The following NBEAL1 variants were observed in gnomAD, a reference collection of about 807,000 sequenced individuals.
NBEAL1 encodes neurobeachin-like protein 1.
Under a neutral mutation model 351.3 loss-of-function variants are expected in NBEAL1, and 273 were observed. That is an observed-to-expected ratio of 0.78 (90% CI 0.70 to 0.86). The LOEUF (loss-of-function observed/expected upper bound fraction) is 0.86, where lower values mean the gene tolerates loss of function less well. NBEAL1 is among the 40% of genes least tolerant of loss of function. NBEAL1 has a pLI of 0.00. For missense variants in NBEAL1, 2,961 were observed against 3,201.3 expected, an observed-to-expected ratio of 0.92 and a Z score of 1.81; for synonymous variants, 1,050 against 1,086.4, an observed-to-expected ratio of 0.97 and a Z score of 0.66.
At chr2:203,110,402 G>A (rs2062540193) in intron 15 of NBEAL1, 120 bp downstream of exon 15, 1 of 1,056,422 alleles carries the variant, frequency 9.5e-7, no homozygotes, top group Admixed American at 2.6e-5. Context: ...TGGGCGCAGT[G>A]GCACACCTGT....
At chr2:203,194,992 T>C (rs927083542) in intron 47 of NBEAL1, among the ~76,000 whole-genome samples, 3 of 152,026 alleles carry the variant, frequency 2.0e-5, no homozygotes, top group Non-Finnish European at 4.4e-5. Context: ...GGTCAGGAGA[T>C]TGAGACCATC....
chr2:203,138,473 C>A, intron 30 of NBEAL1, 147 bp from the exon 31 acceptor site: 1 of 1,012,818 alleles, frequency 9.9e-7, no homozygotes, highest in Non-Finnish European at 1.4e-6. Flanking sequence ...TTAGCTATTA[C>A]TAGGATGATT....
At chr2:203,142,225 G>A (rs1482496259) in intron 31 of NBEAL1, among the ~76,000 whole-genome samples, 3 of 152,048 alleles carry the variant, frequency 2.0e-5, no homozygotes, top group South Asian at 2.1e-4. Flanking sequence ...GCACAATCTC[G>A]GCTCACTGCA....
At chr2:203,215,808 T>G in intron 55 of NBEAL1, among the ~76,000 whole-genome samples, 1 of 151,858 alleles carries the variant, frequency 6.6e-6, no homozygotes, top group Non-Finnish European at 1.5e-5. Context: ...GCCAGGAGTT[T>G]GAGACCAGCC....
At chr2:203,207,276 C>T (rs1473486063) in intron 51 of NBEAL1, among the ~76,000 whole-genome samples, 1 of 151,582 alleles carries the variant, frequency 6.6e-6, no homozygotes, top group Non-Finnish European at 1.5e-5. Context: ...CCACCCCGTC[C>T]AGGAGGGAGG....
intron 29 of NBEAL1, among the ~76,000 whole-genome samples, chr2:203,137,008 G>A (rs2063229140): frequency 6.6e-6 from 1 of 152,214 alleles, no homozygotes; most frequent in Non-Finnish European, 1.5e-5. Flanking sequence ...TGGGTCATAA[G>A]TGATTACAGA....
chr2:203,088,055 C>G (rs1395810229), intron 10 of NBEAL1, among the ~76,000 whole-genome samples: 1 of 152,114 alleles, frequency 6.6e-6, no homozygotes, highest in Non-Finnish European at 1.5e-5. Flanking sequence ...TTTTCCTCTT[C>G]CCTTTTCATG....
intron 55 of NBEAL1, 21 bp downstream of exon 55, chr2:203,213,674 T>C (rs771954485): frequency 6.2e-7 from 1 of 1,613,300 alleles, no homozygotes; most frequent in Non-Finnish European, 8.5e-7. Context: ...GCATCAGTAA[T>C]TTCATTTCTC....
In NBEAL1 at chr2:203,217,427, ACT is replaced by A; in HGVS notation, c.*78_*79del. On this transcript the variant is annotated 3_prime_UTR_variant, in exon 56 of 56. Transcript: ENST00000683969. ...TTTGTCACTTTAACCACATCTCTCA[ACT>A]CTCTGCAATGTTGCAAGGCTTTTAT... 7.1e-7 allele frequency: 1 copy of A among 1,416,084 alleles called. No individual in the cohort carries two copies. The highest frequency in any genetic ancestry group is 2.9e-5 in the Admixed American group (1 of 34,392). The allele number at this position is 1,416,084 out of a possible 1,614,324, so 87.7% of individuals were successfully genotyped here.
chr2:203,113,257 A>G lies in NBEAL1; in HGVS notation c.2445A>G (p.Gly815=), dbSNP rs569820885. ...CCACATCTCTGGAGGGTCAGCTAGG[A>G]TCTGTTATCATCTTTTATGAACCAC... ...GCPTSLEGQL[G]SVIIFYEPLQ... is the part of the protein sequence containing the mutation. The change falls in exon 17 of 56, where the codon GGA becomes GGG. Residue 815 remains glycine (G), a synonymous_variant. Transcript: ENST00000683969. 53 of 1,491,714 alleles carry G rather than the reference A, an allele frequency of 3.6e-5. No individual in the cohort carries two copies. The South Asian group carries it at 7.3e-4, about 21-fold the overall frequency. The allele number at this position is 1,491,714 out of a possible 1,614,324, so 92.4% of individuals were successfully genotyped here.
At chr2:203,093,543 AG>A (rs1406757196) in intron 10 of NBEAL1, among the ~76,000 whole-genome samples, 1 of 152,182 alleles carries the variant, frequency 6.6e-6, no homozygotes, top group Non-Finnish European at 1.5e-5. Flanking sequence ...ATGCTGGAGA[AG>A]AAATCTCTTT....
chr2:203,132,975 G>T, intron 26 of NBEAL1, 83 bp from the exon 27 acceptor site: 1 of 635,070 alleles, frequency 1.6e-6, no homozygotes, highest in South Asian at 2.1e-5. Flanking sequence ...AATTATTTCA[G>T]CATTTTATAC....
chr2:203,084,453 AT>A lies in NBEAL1; in HGVS notation c.992-6del. 7.3e-7 allele frequency: 1 copy of A among 1,378,868 alleles called. No individual in the cohort carries two copies. Among genetic ancestry groups the A allele is most frequent in the Non-Finnish European group, 9.6e-7 (1 of 1,041,358 alleles). The allele number at this position is 1,378,868 out of a possible 1,614,324, so 85.4% of individuals were successfully genotyped here. A position where few individuals can be genotyped will look rare whatever the true frequency, so the allele number is the denominator to read the frequency against. ...TTTTTACATGGATGATTTTCTTTTT[AT>A]TTTCCTAGATACCATCACAGCCATG... is the stretch of plus-strand genomic sequence containing the variant. On this transcript the variant is annotated splice_polypyrimidine_tract_variant and intron_variant, in intron 9 of 55. Coordinates refer to ENST00000683969, the MANE Select transcript of NBEAL1 (RefSeq NM_001378026.1).
In NBEAL1 at chr2:203,188,523, G is replaced by A; in HGVS notation, c.6757G>A (p.Gly2253Ser). 6.2e-7 allele frequency: 1 copy of A among 1,608,826 alleles called. No homozygotes were observed. Among genetic ancestry groups the A allele is most frequent in the Non-Finnish European group, 8.5e-7 (1 of 1,177,842 alleles). ...TCATGAATGGATAGATCTGATCTTT[G>A]GCTATAAACAGAGGGGACCAGCTGC... Reference protein sequence around the residue: ...HLHEWIDLIFGYKQRGPAAVE... With the variant: ...HLHEWIDLIFSYKQRGPAAVE... The change falls in exon 45 of 56, where the codon GGC (glycine) becomes AGC (serine). Residue 2253 changes from glycine to serine, a missense_variant. Physicochemically the swap from Gly to Ser is moderately conservative, Grantham distance 56. Transcript: ENST00000683969.
In NBEAL1 at chr2:203,154,168, G is replaced by A. The variant is rs184433609; in HGVS notation, c.5587+2579G>A. Reference sequence around the variant, plus strand: ...GGAGAATGGCATGAACCCGGGAGGCGGAGCTTGCAGTGAGCCGAGATTGTG... The same window carrying A: ...GGAGAATGGCATGAACCCGGGAGGCAGAGCTTGCAGTGAGCCGAGATTGTG... On this transcript the variant is annotated intron_variant, in intron 35 of 55. Transcript: ENST00000683969. 8.4e-3 allele frequency among the ~76,000 whole-genome samples: 1,278 copies of A among 151,366 alleles called. 14 individuals carry two copies. Among genetic ancestry groups the A allele is most frequent in the African/African-American group, 0.03 (1,219 of 41,236 alleles).
chr2:203,151,883 T>G (rs1307201183), intron 35 of NBEAL1, among the ~76,000 whole-genome samples: 4 of 152,178 alleles, frequency 2.6e-5, no homozygotes, highest in Non-Finnish European at 5.9e-5. Flanking sequence ...TGTTCTTTTC[T>G]CTTAGTTTTT....
At chr2:203,133,806 TTAAC>T (rs1217681251) in intron 27 of NBEAL1, among the ~76,000 whole-genome samples, 1 of 151,328 alleles carries the variant, frequency 6.6e-6, no homozygotes, top group Non-Finnish European at 1.5e-5. Flanking sequence ...ATTTATTTGT[TTAAC>T]TGACAGAAAA....
intron 6 of NBEAL1, among the ~76,000 whole-genome samples, chr2:203,068,047 T>C (rs1165864434): frequency 2.0e-5 from 3 of 152,230 alleles, no homozygotes; most frequent in Non-Finnish European, 2.9e-5. Context: ...ATTTCAACTT[T>C]ACTGTAATAA....
Position 203,217,523 on chromosome 2 carries a change from G to T in NBEAL1, c.*169G>T. 8.2e-6 allele frequency: 10 copies of T among 1,216,568 alleles called. No individual in the cohort carries two copies. The highest frequency in any genetic ancestry group is 9.2e-6 in the Non-Finnish European group (9 of 976,468). 75.4% of individuals were successfully genotyped at this position (1,216,568 alleles called of 1,614,324 possible). On this transcript the variant is annotated 3_prime_UTR_variant, in exon 56 of 56. Transcript: ENST00000683969. ...TAAACTAATTCTTGGTCTATACTAA[G>T]ATGTATTTGAGAAAATACATTTGAT...
Sources: allele counts gnomAD v4.1 joint callset (sites outside exome capture counted in the v4.1 genomes callset), GRCh38; gene constraint gnomAD v4.1.1; transcripts MANE v1.5; gene names NCBI Gene and HGNC (gene_info 2026-07-23, HGNC 2026-07-21).